Variants in NEGR1 observed in about 807,000 individuals in gnomAD.
NEGR1 encodes IgLON family member 4.
Under a neutral mutation model 40.9 loss-of-function variants are expected in NEGR1, and 10 were observed. That is an observed-to-expected ratio of 0.24 (90% CI 0.15 to 0.42). The LOEUF (loss-of-function observed/expected upper bound fraction) is 0.42, where lower values mean the gene tolerates loss of function less well. Among genes scored for constraint, NEGR1 ranks in the 10% least tolerant of loss-of-function variants. The pLI, the probability that NEGR1 is intolerant of heterozygous loss-of-function variation, is 1.00. For synonymous variants in NEGR1, 185 were observed against 166.8 expected (o/e 1.11, Z -0.84); for missense variants, 352 against 438.9 (o/e 0.80, Z 1.77).
rs549600451 is a variant in NEGR1, at chr1:71,807,739, C to T, written c.410-31442G>A. The stretch of plus-strand genomic sequence containing the variant: ...GACAAATCCAGTAAGCAGTTTCTTA[C>T]GAAAGTTTATTCTTACTTCCTACCT... On this transcript the variant is annotated intron_variant, in intron 2 of 6. Transcript: ENST00000357731. Among the ~76,000 whole-genome samples the T allele has an allele frequency of 3.3e-5, 5 of 152,192 alleles. No individual in the cohort carries two copies. The South Asian group carries it at 8.3e-4, about 25-fold the overall frequency.
At chr1:72,234,398 G>A (rs1344681900) in intron 1 of NEGR1, among the ~76,000 whole-genome samples, 2 of 151,980 alleles carry the variant, frequency 1.3e-5, no homozygotes, top group Admixed American at 6.6e-5. Context: ...AAAAGCAATT[G>A]CAACAATATC....
intron 1 of NEGR1, among the ~76,000 whole-genome samples, chr1:72,190,301 T>A (rs1271466958): frequency 3.3e-5 from 5 of 151,626 alleles, no homozygotes; most frequent in African/African-American, 1.2e-4. Context: ...GACACTTACT[T>A]GTGTGTATAT....
chr1:71,874,616 C>T (rs1660372121), intron 2 of NEGR1, among the ~76,000 whole-genome samples: 1 of 152,056 alleles, frequency 6.6e-6, no homozygotes, highest in South Asian at 2.1e-4. Context: ...TATTATTAGC[C>T]TGCTCTGAAA....
At chr1:72,070,086 CT>C (rs1204020524) in intron 1 of NEGR1, among the ~76,000 whole-genome samples, 1 of 151,944 alleles carries the variant, frequency 6.6e-6, no homozygotes, top group South Asian at 2.1e-4. Context: ...ACATTTAAGA[CT>C]TTTTTAAAAA....
At chr1:71,846,578 T>C (rs903468213) in intron 2 of NEGR1, among the ~76,000 whole-genome samples, 1 of 152,130 alleles carries the variant, frequency 6.6e-6, no homozygotes, top group Non-Finnish European at 1.5e-5. Context: ...TCCACACATA[T>C]TACTTTCTAG....
At chr1:72,000,355 G>A (rs1277357227) in intron 1 of NEGR1, among the ~76,000 whole-genome samples, 1 of 151,770 alleles carries the variant, frequency 6.6e-6, no homozygotes, top group African/African-American at 2.4e-5. Context: ...CACACAAAAT[G>A]TGTTAATACA....
In NEGR1 at chr1:72,110,004, T is replaced by A. The variant is rs150934307; in HGVS notation, c.176+172315A>T. The stretch of plus-strand genomic sequence containing the variant: ...CACAGTGTAGAATTTCCATTATTTA[T>A]CCTGATAGGAAAGCAAAGATTTAAA... On this transcript the variant is annotated intron_variant, in intron 1 of 6. Coordinates refer to ENST00000357731, the MANE Select transcript of NEGR1 (RefSeq NM_173808.3). 4.6e-5 allele frequency among the ~76,000 whole-genome samples: 7 copies of A among 151,730 alleles called. No individual in the cohort carries two copies. In the East Asian group the frequency reaches 1.4e-3, roughly 30 times the overall value.
chr1:71,465,515 G>T (rs896565583), intron 6 of NEGR1, among the ~76,000 whole-genome samples: 1 of 151,928 alleles, frequency 6.6e-6, no homozygotes, highest in Non-Finnish European at 1.5e-5. Context: ...TGGAGAAAAA[G>T]AATAACAATC....
chr1:72,063,299 G>T (rs995563977), intron 1 of NEGR1, among the ~76,000 whole-genome samples: 1 of 151,784 alleles, frequency 6.6e-6, no homozygotes, highest in African/African-American at 2.4e-5. Context: ...TAATATAATT[G>T]ACTTGCCTTA....
intron 1 of NEGR1, among the ~76,000 whole-genome samples, chr1:72,278,678 C>T (rs1656145444): frequency 6.6e-6 from 1 of 151,902 alleles, no homozygotes; most frequent in Non-Finnish European, 1.5e-5. Flanking sequence ...TTCCTGTTCT[C>T]TACTAGATCA....
intron 6 of NEGR1, among the ~76,000 whole-genome samples, chr1:71,539,993 A>G (rs1164261730): frequency 1.3e-5 from 2 of 151,828 alleles, no homozygotes; most frequent in African/African-American, 4.8e-5. Context: ...ACAACCAACC[A>G]AAATGTTTAT....
chr1:71,437,165 A>G (rs1176616591), intron 6 of NEGR1, among the ~76,000 whole-genome samples: 1 of 152,148 alleles, frequency 6.6e-6, no homozygotes, highest in Non-Finnish European at 1.5e-5. Flanking sequence ...ATTAATTAGT[A>G]AAAATAATTA....
intron 1 of NEGR1, among the ~76,000 whole-genome samples, chr1:72,008,587 A>C (rs1310842605): frequency 6.6e-6 from 1 of 152,128 alleles, no homozygotes; most frequent in African/African-American, 2.4e-5. Flanking sequence ...TGACACACTT[A>C]ATTGTTCATA....
At chr1:72,011,048 T>C (rs1209537236) in intron 1 of NEGR1, among the ~76,000 whole-genome samples, 1 of 151,948 alleles carries the variant, frequency 6.6e-6, no homozygotes, top group Non-Finnish European at 1.5e-5. Flanking sequence ...AAGAGAAAAA[T>C]TTAGTACATA....
intron 1 of NEGR1, among the ~76,000 whole-genome samples, chr1:71,968,958 A>G (rs566224583): frequency 6.6e-6 from 1 of 152,256 alleles, no homozygotes; most frequent in African/African-American, 2.4e-5. Context: ...AATTTAAATA[A>G]GAGCTGCCAT....
intron 6 of NEGR1, among the ~76,000 whole-genome samples, chr1:71,421,197 A>G (rs1259622524): frequency 1.2e-4 from 19 of 152,032 alleles, no homozygotes; most frequent in Admixed American, 1.2e-3. Context: ...TATTTTTGTA[A>G]GAAGAACTTG....
chr1:71,913,415 G>A lies in NEGR1; in HGVS notation c.409+21664C>T, dbSNP rs553006399. Among the ~76,000 whole-genome samples the A allele has an allele frequency of 1.2e-4, 18 of 152,012 alleles. 1 individual carries two copies. Among genetic ancestry groups the A allele is most frequent in the East Asian group, 3.9e-4 (2 of 5,138 alleles). On this transcript the variant is annotated intron_variant, in intron 2 of 6. Coordinates refer to ENST00000357731, the MANE Select transcript of NEGR1 (RefSeq NM_173808.3). ...CAGGCATGAGCCACTGCGCCCAGCC[G>A]GAAGCAATCCTTTTTTACATTACAT...
chr1:71,758,310 A>G (rs1241589455), intron 3 of NEGR1, among the ~76,000 whole-genome samples: 1 of 152,122 alleles, frequency 6.6e-6, no homozygotes, highest in African/African-American at 2.4e-5. Context: ...TGTTTAAAAG[A>G]TTAATCAGAT....
At chr1:71,732,282 C>G (rs928586402) in intron 3 of NEGR1, among the ~76,000 whole-genome samples, 4 of 152,082 alleles carry the variant, frequency 2.6e-5, no homozygotes, top group African/African-American at 9.7e-5. Context: ...GATTGTAGCA[C>G]TGCATTCCAG....
Sources: gnomAD v4.1 joint callset for allele counts (sites outside exome capture counted in the v4.1 genomes callset) on GRCh38, gnomAD v4.1.1 for gene constraint, MANE v1.5 for transcripts, NCBI Gene and HGNC (gene_info 2026-07-23, HGNC 2026-07-21) for gene names.